ZNF800: variants seen among roughly 807,000 people sequenced by gnomAD.
ZNF800 encodes zinc finger protein 800.
Under a neutral mutation model 59.5 loss-of-function variants are expected in ZNF800, and 13 were observed. The observed-to-expected ratio is 0.22, with a 90% CI of 0.14 to 0.35. The LOEUF (loss-of-function observed/expected upper bound fraction) is 0.35, where lower values mean the gene tolerates loss of function less well. Among genes scored for constraint, ZNF800 ranks in the 10% least tolerant of loss-of-function variants. ZNF800 has a pLI of 1.00. For synonymous variants in ZNF800, 266 were observed against 265.7 expected (o/e 1.00, Z -0.01); for missense variants, 621 against 783.7 (o/e 0.79, Z 2.48).
chr7:127,356,457 T>A (rs1800272593), intron 1 of ZNF800, among the ~76,000 whole-genome samples: 2 of 152,082 alleles, frequency 1.3e-5, no homozygotes, highest in Admixed American at 1.3e-4. Context: ...AAAATTCTAT[T>A]CTACTTTTGA....
rs552214540 is a variant in ZNF800 at position 127,373,881 on chromosome 7, T to C, written c.1455A>G (p.Gln485=). Reference sequence around the variant, plus strand: ...GACGTTTACAAAGTTTACAGTAAAGTTGCTTAAAGTCAAAGCCAGCTGAAA... The same window carrying C: ...GACGTTTACAAAGTTTACAGTAAAGCTGCTTAAAGTCAAAGCCAGCTGAAA... ...PKLSAGFDFK[Q]LYCKLCKRQF... is the part of the protein sequence containing the mutation. The change falls in exon 5 of 6, where the codon CAA becomes CAG. Residue 485 remains glutamine (Q), a synonymous_variant. Transcript: ENST00000265827. 5.0e-6 allele frequency: 8 copies of C among 1,614,190 alleles called. No individual in the cohort carries two copies. The Admixed American group carries it at 5.0e-5, about 10-fold the overall frequency.
chr7:127,345,708 A>AT (rs1459558553), downstream of ZNF800, among the ~76,000 whole-genome samples: 1 of 152,170 alleles, frequency 6.6e-6, no homozygotes, highest in Non-Finnish European at 1.5e-5. Flanking sequence ...AGGGGTTTAG[A>AT]TTTTATCCTA....
rs964044325 is a variant in ZNF800, at chr7:127,371,012, T to C, written c.*802A>G. ...AATATCAGTAAGCTATTTATTACCT[T>C]CATATTAACATTAGTAAATGTGTGG... On this transcript the variant is annotated 3_prime_UTR_variant, in exon 6 of 6. Transcript: ENST00000265827. The C allele has an allele frequency of 6.6e-6, 1 of 152,554 alleles. No homozygotes were observed. 9.5% of individuals were successfully genotyped at this position (152,554 alleles called of 1,614,324 possible).
chr7:127,343,777 A>G (rs895597062), downstream of ZNF800, among the ~76,000 whole-genome samples: 1 of 152,066 alleles, frequency 6.6e-6, no homozygotes, highest in East Asian at 1.9e-4. Context: ...AAAGGGAAAA[A>G]CCACCATTAT....
chr7:127,346,004 T>C (rs1353306457), downstream of ZNF800, among the ~76,000 whole-genome samples: 3 of 151,960 alleles, frequency 2.0e-5, no homozygotes, highest in East Asian at 3.9e-4. Context: ...GCAGGATTGA[T>C]GATGCAAAAG....
chr7:127,384,327 G>A (rs1285620715), intron 3 of ZNF800, among the ~76,000 whole-genome samples: 3 of 139,540 alleles, frequency 2.1e-5, no homozygotes, highest in Admixed American at 7.6e-5. Flanking sequence ...TCCCCCTCCC[G>A]GGTTCACGCC....
intron 3 of ZNF800, among the ~76,000 whole-genome samples, chr7:127,383,961 G>C (rs1801052079): frequency 6.6e-6 from 1 of 151,898 alleles, no homozygotes; most frequent in Non-Finnish European, 1.5e-5. Context: ...AATGGCTTTG[G>C]AATTTTACCA....
At chr7:127,383,059 G>C (rs910585418) in intron 3 of ZNF800, among the ~76,000 whole-genome samples, 1 of 152,170 alleles carries the variant, frequency 6.6e-6, no homozygotes, top group African/African-American at 2.4e-5. Context: ...TTAAATCCAA[G>C]AAAACAGTTC....
Position 127,377,215 on chromosome 7 carries a change from T to C in ZNF800, c.272A>G (p.Tyr91Cys). The C allele has an allele frequency of 6.2e-7, 1 of 1,612,040 alleles. No homozygotes were observed. Among genetic ancestry groups the C allele is most frequent in the Non-Finnish European group, 8.5e-7 (1 of 1,178,782 alleles). ...ATCCATCTGGAGACTTGGTGGGCAG[T>C]AGAATTTTTTATGGGTAATTAAATT... ...LPNLITHKKF[Y>C]CPPSLQMDDN... Residue 91 changes from tyrosine to cysteine, a missense_variant, in exon 4 of 6, where the codon TAC becomes TGC. Tyr to Cys is a radical substitution (Grantham distance 194). Coordinates refer to ENST00000265827, the MANE Select transcript of ZNF800 (RefSeq NM_176814.5). The surrounding 1 kb of genome is among the most constrained non-coding windows in gnomAD (Gnocchi z 4.7).
downstream of ZNF800, among the ~76,000 whole-genome samples, chr7:127,368,429 C>A (rs548028324): frequency 6.6e-6 from 1 of 152,232 alleles, no homozygotes; most frequent in Non-Finnish European, 1.5e-5. Context: ...CAATATCCTG[C>A]TGCACATATC....
downstream of ZNF800, among the ~76,000 whole-genome samples, chr7:127,367,288 C>A (rs1163992109): frequency 2.0e-5 from 3 of 152,010 alleles, no homozygotes; most frequent in African/African-American, 7.2e-5. Context: ...TAGAAGCTAC[C>A]AAGTAAAATT....
intron 1 of ZNF800, among the ~76,000 whole-genome samples, chr7:127,359,126 T>C (rs1800342238): frequency 6.6e-6 from 1 of 152,106 alleles, no homozygotes; most frequent in African/African-American, 2.4e-5. Context: ...AAGGCTTGCA[T>C]TACTCAAGAG....
intron 2 of ZNF800, among the ~76,000 whole-genome samples, chr7:127,389,115 T>C (rs1205984297): frequency 6.6e-6 from 1 of 152,110 alleles, no homozygotes; most frequent in East Asian, 1.9e-4. Context: ...AAAAGATCAC[T>C]CTATTTATGA....
At chr7:127,362,559 A>G (rs1470846004) in intron 1 of ZNF800, 2 of 152,052 alleles carry the variant, frequency 1.3e-5, no homozygotes, top group East Asian at 1.9e-4. Flanking sequence ...CATTCAACAG[A>G]TATGTTTTAA....
intron 1 of ZNF800, among the ~76,000 whole-genome samples, chr7:127,364,942 T>A (rs1030681421): frequency 6.6e-6 from 1 of 152,014 alleles, no homozygotes; most frequent in African/African-American, 2.4e-5. Context: ...TGATAACCAA[T>A]CAACTCCACT....
chr7:127,378,347 C>A (rs539702026), intron 3 of ZNF800, among the ~76,000 whole-genome samples: 1 of 152,196 alleles, frequency 6.6e-6, no homozygotes, highest in Non-Finnish European at 1.5e-5. Flanking sequence ...CAGCTCTTTG[C>A]CACAGGTAAG....
chr7:127,376,604 A>G (rs897808523), intron 4 of ZNF800, among the ~76,000 whole-genome samples: 14 of 151,976 alleles, frequency 9.2e-5, no homozygotes, highest in African/African-American at 2.9e-4. Context: ...AACATAATGT[A>G]ATTTCTGAGA....
chr7:127,371,578 G>T lies in ZNF800; in HGVS notation c.*236C>A. 2.6e-6 allele frequency: 1 copy of T among 386,614 alleles called. No homozygotes were observed. Among genetic ancestry groups the T allele is most frequent in the South Asian group, 7.9e-5 (1 of 12,674 alleles). 23.9% of individuals were successfully genotyped at this position (386,614 alleles called of 1,614,324 possible). On this transcript the variant is annotated 3_prime_UTR_variant, in exon 6 of 6. Transcript: ENST00000265827. ...CAAGGGTGGATAGCTGATGGACTGT[G>T]ATGACAACATGTAATATCACAGCTA...
At chr7:127,344,508 T>G (rs1216803458), downstream of ZNF800, among the ~76,000 whole-genome samples, 2 of 152,026 alleles carry the variant, frequency 1.3e-5, no homozygotes, top group African/African-American at 4.8e-5. Flanking sequence ...TTTTGGAATG[T>G]GACCAAAACA....
Sources: allele counts gnomAD v4.1 joint callset (sites outside exome capture counted in the v4.1 genomes callset), GRCh38; gene constraint gnomAD v4.1.1; non-coding constraint Gnocchi (gnomAD v3.1); transcripts MANE v1.5; gene names NCBI Gene and HGNC (gene_info 2026-07-23, HGNC 2026-07-21).